NCAM1: variants seen among roughly 807,000 people sequenced by gnomAD.
The protein encoded by NCAM1 is neural cell adhesion molecule 1, also known as antigen recognized by monoclonal antibody 5.1H11.
A neutral mutation model predicts 109.8 loss-of-function variants in NCAM1; 14 were observed. That is an observed-to-expected ratio of 0.13 (90% CI 0.08 to 0.20). The LOEUF is 0.20. Ranked by LOEUF, NCAM1 falls within the 10% of genes least tolerant of loss-of-function variation. The pLI is 1.00. For synonymous variants in NCAM1, 418 were observed against 442.9 expected (o/e 0.94, Z 0.70); for missense variants, 774 against 1,109.9 (o/e 0.70, Z 4.30).
chr11:113,063,464 G>C (rs1432951957), intron 1 of NCAM1, among the ~76,000 whole-genome samples: 3 of 152,192 alleles, frequency 2.0e-5, no homozygotes, highest in Non-Finnish European at 4.4e-5. Flanking sequence ...AGCACAGGCT[G>C]TCTCTGAGCC....
intron 1 of NCAM1, among the ~76,000 whole-genome samples, chr11:112,983,856 C>T (rs562044135): frequency 2.0e-5 from 3 of 152,032 alleles, no homozygotes; most frequent in African/African-American, 7.2e-5. Context: ...ACATATTCAT[C>T]ATCTCACATG....
chr11:113,185,256 A>G (rs568908966), intron 1 of NCAM1, among the ~76,000 whole-genome samples: 5 of 152,140 alleles, frequency 3.3e-5, no homozygotes, highest in Admixed American at 2.0e-4. Context: ...TGTAAGATCC[A>G]GTCCGAGTCC....
chr11:113,256,268 T>G (rs1184050726), intron 16 of NCAM1, among the ~76,000 whole-genome samples: 1 of 152,220 alleles, frequency 6.6e-6, no homozygotes, highest in African/African-American at 2.4e-5. Flanking sequence ...TTCTGTGTCT[T>G]GAACTTTTCT....
At position 113,157,305 on chromosome 11, in the gene NCAM1, C is replaced by G. The variant is rs76518781; in HGVS notation, c.53-45074C>G. Among the ~76,000 whole-genome samples, 631 of 152,276 alleles carry G rather than the reference C, an allele frequency of 4.1e-3. 3 individuals carry two copies. Among genetic ancestry groups the G allele is most frequent in the African/African-American group, 0.014 (599 of 41,554 alleles). On this transcript the variant is annotated intron_variant, in intron 1 of 19. Transcript: ENST00000316851. ...ACATTTGAAATTTAGTTCATTAGAA[C>G]TTCACTGTTGAGCAGATGCACACAT... is the stretch of plus-strand genomic sequence containing the variant.
At position 113,226,481 on chromosome 11, in the gene NCAM1, G is replaced by A. The variant is rs534651971; in HGVS notation, c.1089+5156G>A. Among the ~76,000 whole-genome samples the A allele has an allele frequency of 3.3e-5, 5 of 152,234 alleles. No individual in the cohort carries two copies. The East Asian group carries it at 9.7e-4, about 29-fold the overall frequency. On this transcript the variant is annotated intron_variant, in intron 9 of 19. Transcript: ENST00000316851. ...GCTTAGACTCCCACACAATAATAAT[G>A]GGAGACTTTAACACCCACTGTCAAC...
chr11:113,133,058 T>A (rs1941462917), intron 1 of NCAM1: 3 of 152,226 alleles, frequency 2.0e-5, no homozygotes, highest in Admixed American at 1.3e-4. Context: ...GCTGTTGTCC[T>A]GCATTGTTGA....
chr11:113,253,176 TTTCTGCAGGA>T (rs1945739684), intron 15 of NCAM1, among the ~76,000 whole-genome samples: 1 of 152,152 alleles, frequency 6.6e-6, no homozygotes, highest in South Asian at 2.1e-4. Context: ...GGGAAGTTGG[TTTCTGCAGGA>T]TTCCCTAGAG....
At chr11:113,025,552 CT>C (rs1240800834) in intron 1 of NCAM1, among the ~76,000 whole-genome samples, 1 of 151,812 alleles carries the variant, frequency 6.6e-6, no homozygotes, top group Non-Finnish European at 1.5e-5. Flanking sequence ...GTAAGAATTC[CT>C]ATGAAGAAAA....
At chr11:113,230,135 T>C (rs1944962891) in intron 9 of NCAM1, among the ~76,000 whole-genome samples, 4 of 152,108 alleles carry the variant, frequency 2.6e-5, no homozygotes, top group Admixed American at 6.5e-5. Context: ...ATCAGCACTG[T>C]CAGCCCTCAA....
intron 14 of NCAM1, chr11:113,236,408 C>T (rs782536201): frequency 9.6e-5 from 132 of 1,382,178 alleles, no homozygotes; most frequent in Non-Finnish European, 1.3e-4. Flanking sequence ...TTTTTTGTCC[C>T]CTAGAGGCTG....
At chr11:113,002,740 G>A (rs1555072656) in intron 1 of NCAM1, among the ~76,000 whole-genome samples, 1 of 152,184 alleles carries the variant, frequency 6.6e-6, no homozygotes, top group East Asian at 1.9e-4. Context: ...GTCTCCTGTG[G>A]CAGAGAGGAA....
In NCAM1 at chr11:113,230,909, A is replaced by G. The variant is rs908961375; in HGVS notation, c.1090-736A>G. On this transcript the variant is annotated intron_variant, in intron 9 of 19. Transcript: ENST00000316851. ...CTTATTCTCTTTTTGACCAATCATT[A>G]TAATTCCAGAGATTTAGGAAGCCCA... 7.9e-5 allele frequency among the ~76,000 whole-genome samples: 12 copies of G among 152,180 alleles called. No individual in the cohort carries two copies. The South Asian group carries it at 8.3e-4, about 11-fold the overall frequency.
chr11:113,270,602 G>T, intron 18 of NCAM1: 1 of 584,518 alleles, frequency 1.7e-6, no homozygotes, highest in South Asian at 2.0e-5. Context: ...AGACTCTTGA[G>T]CCCAATCCCA....
At chr11:113,070,532 T>C (rs534995819) in intron 1 of NCAM1, among the ~76,000 whole-genome samples, 4 of 151,856 alleles carry the variant, frequency 2.6e-5, no homozygotes, top group Non-Finnish European at 4.4e-5. Context: ...AAGGGAAAGA[T>C]GAGAGATAGA....
In NCAM1 at chr11:113,274,618, C is replaced by A. The variant is rs1946366146; in HGVS notation, c.2457-649C>A. 6.6e-6 allele frequency among the ~76,000 whole-genome samples: 1 copy of A among 152,176 alleles called. No homozygotes were observed. The highest frequency in any genetic ancestry group is 2.4e-5 in the African/African-American group (1 of 41,442). The stretch of plus-strand genomic sequence containing the variant: ...CGGGAGGGAAAAGGACTCTGATAGC[C>A]CTGCCCACTCAGCTGCCCTCAACTC... On this transcript the variant is annotated intron_variant, in intron 19 of 19. Coordinates refer to ENST00000316851, the MANE Select transcript of NCAM1 (RefSeq NM_181351.5). This position sits in a 1 kb window ranked among gnomAD's most constrained non-coding sequence, Gnocchi z 4.1.
intron 1 of NCAM1, among the ~76,000 whole-genome samples, chr11:113,189,316 G>A (rs1943605689): frequency 6.6e-6 from 1 of 152,078 alleles, no homozygotes; most frequent in African/African-American, 2.4e-5. Flanking sequence ...CAGGCATGGT[G>A]GCGTGTGCTT....
intron 17 of NCAM1, chr11:113,264,504 G>A: frequency 1.0e-6 from 1 of 985,668 alleles, no homozygotes. Flanking sequence ...GGCAGTGGAG[G>A]CAGGCATGGT....
intron 1 of NCAM1, among the ~76,000 whole-genome samples, chr11:113,014,416 G>C (rs1266907637): frequency 6.6e-6 from 1 of 152,124 alleles, no homozygotes; most frequent in Non-Finnish European, 1.5e-5. Context: ...AGGAGAGCCA[G>C]CTTGTAAAGT....
chr11:113,204,332 T>C lies in NCAM1; in HGVS notation c.174T>C (p.Asn58=). The change falls in exon 3 of 20, where the codon AAT becomes AAC. Residue 58 remains asparagine, a synonymous_variant. Coordinates refer to ENST00000316851, the MANE Select transcript of NCAM1 (RefSeq NM_181351.5). ...AAGACATCTCCTGGTTCTCCCCCAA[T>C]GGAGAAAAGCTCACCCCAAACCAGC... is the stretch of plus-strand genomic sequence containing the variant. ...KDKDISWFSP[N]GEKLTPNQQR... The C allele has an allele frequency of 6.2e-7, 1 of 1,613,814 alleles. No homozygotes were observed. The highest frequency in any genetic ancestry group is 8.5e-7 in the Non-Finnish European group (1 of 1,179,830).
Sources: gnomAD v4.1 joint callset for allele counts (sites outside exome capture counted in the v4.1 genomes callset) on GRCh38, gnomAD v4.1.1 for gene constraint, Gnocchi (gnomAD v3.1) non-coding constraint, MANE v1.5 for transcripts, NCBI Gene and HGNC (gene_info 2026-07-23, HGNC 2026-07-21) for gene names.